GGACT: variants seen among roughly 807,000 people sequenced by gnomAD.
The protein encoded by GGACT is gamma-glutamylamine cyclotransferase, also known as gamma-glutamylaminecyclotransferase.
For synonymous variants in GGACT, 118 were observed against 115.3 expected (o/e 1.02, Z -0.15); for missense variants, 241 against 233.2 (o/e 1.03, Z -0.22).
At chr13:100,538,812 A>C (rs1224600160) in intron 2 of GGACT, 2 of 152,214 alleles carry the variant, frequency 1.3e-5, no homozygotes, top group Non-Finnish European at 2.9e-5. Flanking sequence ...TCACTTTAGG[A>C]AATATTGACA....
At chr13:100,551,478 T>A (rs2088664213) in intron 2 of GGACT, among the ~76,000 whole-genome samples, 1 of 152,150 alleles carries the variant, frequency 6.6e-6, no homozygotes, top group Non-Finnish European at 1.5e-5. Context: ...TCCCCTCGGC[T>A]CCCAGGAACT....
In GGACT at chr13:100,532,076, G is replaced by C. The variant is rs2088399787; in HGVS notation, c.*54C>G. 2 of 1,311,000 alleles carry C rather than the reference G, an allele frequency of 1.5e-6. No homozygotes were observed. The highest frequency in any genetic ancestry group is 3.7e-5 in the South Asian group (2 of 53,592). The allele number at this position is 1,311,000 out of a possible 1,614,324, so 81.2% of individuals were successfully genotyped here. A position where few individuals can be genotyped will look rare whatever the true frequency, so the allele number is the denominator to read the frequency against. ...TCCGCCTTCACCCAGCATGGGCTGG[G>C]CGCATCTTGGAGCCCCAGGGCTCTC... On this transcript the variant is annotated 3_prime_UTR_variant, in exon 3 of 3. Coordinates refer to ENST00000683975, the MANE Select transcript of GGACT (RefSeq NM_001195087.2).
chr13:100,561,208 T>A (rs2088756749), intron 2 of GGACT, among the ~76,000 whole-genome samples: 1 of 152,242 alleles, frequency 6.6e-6, no homozygotes, highest in Non-Finnish European at 1.5e-5. Context: ...AAGCTTTCCT[T>A]GAACGTTGTG....
rs558112831 is a variant in GGACT at position 100,545,330 on chromosome 13, A to G, written c.-10-12729T>C. On this transcript the variant is annotated intron_variant, in intron 2 of 2. Coordinates refer to ENST00000683975, the MANE Select transcript of GGACT (RefSeq NM_001195087.2). The surrounding 1 kb of genome is among the most constrained non-coding windows in gnomAD (Gnocchi z 4.4). ...CTTTTGCAGATGGGGAAGCTGGGGC[A>G]GAGGTGAAGTGACTCACACACAAGG... Among the ~76,000 whole-genome samples, 4 of 152,340 alleles carry G rather than the reference A, an allele frequency of 2.6e-5. No individual in the cohort carries two copies. In the East Asian group the frequency reaches 5.8e-4, roughly 22 times the overall value.
At chr13:100,574,298 C>T (rs551772992) in intron 2 of GGACT, among the ~76,000 whole-genome samples, 6 of 152,146 alleles carry the variant, frequency 3.9e-5, no homozygotes, top group African/African-American at 1.4e-4. Flanking sequence ...CCTGGCCGGG[C>T]GTGGTGGCTC....
At chr13:100,560,041 G>C (rs2088745573) in intron 2 of GGACT, among the ~76,000 whole-genome samples, 1 of 152,154 alleles carries the variant, frequency 6.6e-6, no homozygotes, top group Non-Finnish European at 1.5e-5. Context: ...GATCCGGGTA[G>C]ATCCAGGAAA....
rs2088348296 is a variant in GGACT, at chr13:100,530,718, G to GT, written c.*1411dup. Reference sequence around the variant, plus strand: ...AATCCCTTTCCTGCTGTGTCTCTATGTGGGTGTACTGTTGGTGGCTGACTC... The same window carrying GT: ...AATCCCTTTCCTGCTGTGTCTCTATGTTGGGTGTACTGTTGGTGGCTGACTC... On this transcript the variant is annotated 3_prime_UTR_variant, in exon 3 of 3. Transcript: ENST00000683975. The GT allele has an allele frequency of 4.8e-6, 1 of 206,690 alleles. No homozygotes were observed. Among genetic ancestry groups the GT allele is most frequent in the African/African-American group, 2.4e-5 (1 of 42,258 alleles). The allele number at this position is 206,690 out of a possible 1,614,324, so 12.8% of individuals were successfully genotyped here.
chr13:100,568,277 C>G (rs912469987), intron 2 of GGACT, among the ~76,000 whole-genome samples: 3 of 152,172 alleles, frequency 2.0e-5, no homozygotes, highest in African/African-American at 7.2e-5. Flanking sequence ...ATAAAGACAC[C>G]CAAGACTGGG....
intron 2 of GGACT, among the ~76,000 whole-genome samples, chr13:100,557,959 G>A (rs558814324): frequency 1.3e-5 from 2 of 152,142 alleles, no homozygotes; most frequent in South Asian, 2.1e-4. Context: ...CGAGGCGGGC[G>A]GATCACCTGT....
chr13:100,550,451 CACACACA>C, intron 2 of GGACT, among the ~76,000 whole-genome samples: 1 of 148,508 alleles, frequency 6.7e-6, no homozygotes, highest in Non-Finnish European at 1.5e-5. Context: ...CACACACACA[CACACACA>C]CCACTTTTAA....
At chr13:100,537,970 G>A (rs2088513358) in intron 2 of GGACT, 6 of 152,240 alleles carry the variant, frequency 3.9e-5, no homozygotes, top group Admixed American at 3.3e-4. Context: ...TTGGAGGATA[G>A]TGTTTCTGAA....
At chr13:100,578,843 A>G (rs1263928534) in intron 2 of GGACT, 2 of 152,230 alleles carry the variant, frequency 1.3e-5, no homozygotes, top group Non-Finnish European at 2.9e-5. Flanking sequence ...AGTTAATAAA[A>G]CCATCATGAG....
At chr13:100,587,506 G>T (rs1875615318) in intron 1 of GGACT, among the ~76,000 whole-genome samples, 1 of 152,204 alleles carries the variant, frequency 6.6e-6, no homozygotes, top group Admixed American at 6.5e-5. Flanking sequence ...TCTGGGAATA[G>T]TTTCAGGAAA....
chr13:100,566,725 T>A (rs1874898009), intron 2 of GGACT, among the ~76,000 whole-genome samples: 1 of 152,188 alleles, frequency 6.6e-6, no homozygotes, highest in Admixed American at 6.5e-5. Context: ...CTGAACACAG[T>A]CATGTCTGTT....
At chr13:100,553,557 A>C (rs1467293120) in intron 2 of GGACT, among the ~76,000 whole-genome samples, 1 of 152,200 alleles carries the variant, frequency 6.6e-6, no homozygotes, top group African/African-American at 2.4e-5. Context: ...AAGGTAAAGA[A>C]GTAGCAGGCC....
At chr13:100,562,427 C>T (rs2088771569) in intron 2 of GGACT, among the ~76,000 whole-genome samples, 1 of 152,198 alleles carries the variant, frequency 6.6e-6, no homozygotes, top group Admixed American at 6.5e-5. Flanking sequence ...ATATACTTCA[C>T]CCACCTTCAC....
intron 2 of GGACT, among the ~76,000 whole-genome samples, chr13:100,544,661 C>T (rs2088588499): frequency 6.6e-6 from 1 of 152,236 alleles, no homozygotes; most frequent in Non-Finnish European, 1.5e-5. Context: ...TGATGCCACC[C>T]CAGGCCTCCT....
At chr13:100,542,389 T>C (rs1342264498) in intron 2 of GGACT, among the ~76,000 whole-genome samples, 1 of 152,172 alleles carries the variant, frequency 6.6e-6, no homozygotes, top group African/African-American at 2.4e-5. Flanking sequence ...ACAGATCCAG[T>C]CCACGAAAGT....
rs555717615 is a variant in GGACT, at chr13:100,541,151, C to T, written c.-10-8550G>A. ...AAACAAGTATTTCTCTTGGTCTCTACCTTAATGTGAAGTAATTGCCCCCAA... is the reference window on the plus strand; with the variant it reads ...AAACAAGTATTTCTCTTGGTCTCTATCTTAATGTGAAGTAATTGCCCCCAA... On this transcript the variant is annotated intron_variant, in intron 2 of 2. Transcript: ENST00000683975. 2.6e-5 allele frequency among the ~76,000 whole-genome samples: 4 copies of T among 152,334 alleles called. No individual in the cohort carries two copies. The South Asian group carries it at 8.3e-4, about 32-fold the overall frequency.
Sources: allele counts gnomAD v4.1 joint callset (sites outside exome capture counted in the v4.1 genomes callset), GRCh38; gene constraint gnomAD v4.1.1; non-coding constraint Gnocchi (gnomAD v3.1); transcripts MANE v1.5; gene names NCBI Gene and HGNC (gene_info 2026-07-23, HGNC 2026-07-21).